TCN2: variants seen among roughly 807,000 people sequenced by gnomAD.
TCN2 encodes the protein transcobalamin-2.
In TCN2, 34 loss-of-function variants were observed where a neutral mutation model predicts 48.6. The observed-to-expected ratio is 0.70, with a 90% CI of 0.53 to 0.93. The LOEUF (loss-of-function observed/expected upper bound fraction) is 0.93. Among genes scored for constraint, TCN2 ranks in the 40% least tolerant of loss-of-function variants. The pLI, the probability that TCN2 is intolerant of heterozygous loss-of-function variation, is 0.00. For missense variants in TCN2, 652 were observed against 526.1 expected, an observed-to-expected ratio of 1.24 and a Z score of -2.34; for synonymous variants, 283 against 212.5, an observed-to-expected ratio of 1.33 and a Z score of -2.89.
At chr22:30,618,179 G>T (rs2087642389) in intron 7 of TCN2, among the ~76,000 whole-genome samples, 1 of 149,054 alleles carries the variant, frequency 6.7e-6, no homozygotes, top group South Asian at 2.1e-4. Context: ...CAAATTCCTG[G>T]CCTCAAACCA....
At chr22:30,621,770 C>T (rs1179192505) in intron 7 of TCN2, among the ~76,000 whole-genome samples, 1 of 152,212 alleles carries the variant, frequency 6.6e-6, no homozygotes, top group African/African-American at 2.4e-5. Flanking sequence ...AAGCATGAGC[C>T]ACAGTGCCTG....
intron 6 of TCN2, among the ~76,000 whole-genome samples, chr22:30,616,021 ATGTT>A (rs1361726561): frequency 7.7e-5 from 10 of 129,636 alleles, no homozygotes; most frequent in Admixed American, 2.5e-4. Flanking sequence ...CAGTACAGAA[ATGTT>A]TGGATGGATG....
rs959764375 is a variant in TCN2 at position 30,627,146 on chromosome 22, G to C, written c.*625G>C. ...GTAACCCCATCAGGGAGGAGTGGAG[G>C]GTGCCTGAGCCGCCATGTGGGCATT... On this transcript the variant is annotated 3_prime_UTR_variant, in exon 9 of 9. Coordinates refer to ENST00000215838, the MANE Select transcript of TCN2 (RefSeq NM_000355.4). The C allele has an allele frequency of 6.0e-6, 1 of 167,826 alleles. No individual in the cohort carries two copies. The highest frequency in any genetic ancestry group is 3.1e-3 in the Middle Eastern group (1 of 318). 10.4% of individuals were successfully genotyped at this position (167,826 alleles called of 1,614,324 possible).
intron 6 of TCN2, 61 bp downstream of exon 6, chr22:30,615,848 C>T: frequency 1.9e-6 from 3 of 1,599,940 alleles, no homozygotes; most frequent in Non-Finnish European, 1.7e-6. Context: ...CATTGACGTC[C>T]CAGTGAGGGG....
At chr22:30,610,576 TCTCA>T (rs1468747273) in intron 1 of TCN2, among the ~76,000 whole-genome samples, 2 of 152,178 alleles carry the variant, frequency 1.3e-5, no homozygotes, top group African/African-American at 4.8e-5. Flanking sequence ...GGCACACCAG[TCTCA>T]CTGTCACTGC....
At chr22:30,617,533 C>G (rs1469377619) in intron 7 of TCN2, 38 bp downstream of exon 7, 1 of 1,613,530 alleles carries the variant, frequency 6.2e-7, no homozygotes, top group East Asian at 2.2e-5. Flanking sequence ...CCCACCCAAC[C>G]TCACATGCCT....
At chr22:30,610,381 A>G (rs963150532) in intron 1 of TCN2, 6 of 446,354 alleles carry the variant, frequency 1.3e-5, no homozygotes, top group South Asian at 3.3e-5. Flanking sequence ...AACGGGTAGC[A>G]CACACATTCA....
chr22:30,611,957 C>G (rs967558822), intron 2 of TCN2, among the ~76,000 whole-genome samples: 5 of 151,256 alleles, frequency 3.3e-5, no homozygotes, highest in Admixed American at 6.6e-5. Flanking sequence ...GAAAAGAAGA[C>G]TAGGCATAGT....
chr22:30,621,723 A>G (rs1358520359), intron 7 of TCN2, among the ~76,000 whole-genome samples: 1 of 152,136 alleles, frequency 6.6e-6, no homozygotes, highest in Admixed American at 6.5e-5. Context: ...ACCTCAAGTG[A>G]TCCACCCGCT....
intron 6 of TCN2, among the ~76,000 whole-genome samples, chr22:30,616,366 C>G (rs771299846): frequency 1.3e-5 from 2 of 151,696 alleles, no homozygotes; most frequent in African/African-American, 2.4e-5. Context: ...GCCTGTAACC[C>G]CAGCTAAGCT....
intron 7 of TCN2, among the ~76,000 whole-genome samples, chr22:30,621,724 TC>T (rs1270694538): frequency 6.6e-6 from 1 of 152,186 alleles, no homozygotes; most frequent in Non-Finnish European, 1.5e-5. Context: ...CCTCAAGTGA[TC>T]CACCCGCTTT....
chr22:30,614,341 CCT>C lies in TCN2; in HGVS notation c.428-4_428-3del, dbSNP rs1892706504. ...GAGAGGCAACCCCTCTGTTTTTTTC[CCT>C]CTCAGGGCATGATCACAAGGGCCAC... On this transcript the variant is annotated splice_polypyrimidine_tract_variant and splice_region_variant and intron_variant, in intron 3 of 8. Transcript: ENST00000215838. 4 of 1,613,796 alleles carry C rather than the reference CCT, an allele frequency of 2.5e-6. No homozygotes were observed. Among genetic ancestry groups the C allele is most frequent in the Non-Finnish European group, 3.4e-6 (4 of 1,179,936 alleles).
At chr22:30,617,270 A>G (rs952865123) in intron 6 of TCN2, 60 bp from the exon 7 acceptor site, 1 of 1,611,238 alleles carries the variant, frequency 6.2e-7, no homozygotes, top group Admixed American at 1.7e-5. Context: ...AGACAAGAAG[A>G]CAAATAATCC....
At chr22:30,608,964 C>T (rs1252284950) in intron 1 of TCN2, among the ~76,000 whole-genome samples, 1 of 152,130 alleles carries the variant, frequency 6.6e-6, no homozygotes. Context: ...TAATTGCACC[C>T]AGCCTCATTC....
intron 7 of TCN2, 50 bp from the exon 8 acceptor site, chr22:30,622,918 T>C (rs748597421): frequency 1.3e-5 from 21 of 1,591,860 alleles, no homozygotes; most frequent in Non-Finnish European, 1.7e-5. Flanking sequence ...CCTCTCCCCT[T>C]AGGGACAACA....
At position 30,613,062 on chromosome 22, in the gene TCN2, T is replaced by C. The variant is rs1404428548; in HGVS notation, c.427+20T>C. On this transcript the variant is annotated intron_variant, in intron 3 of 8. Transcript: ENST00000215838. Reference sequence around the variant, plus strand: ...CCATTGGTGAGCAGACACCATCCGCTGGGGGTGGGGAGCAGCTGGGAGGGC... The same window carrying C: ...CCATTGGTGAGCAGACACCATCCGCCGGGGGTGGGGAGCAGCTGGGAGGGC... The C allele has an allele frequency of 6.2e-7, 1 of 1,613,048 alleles. No individual in the cohort carries two copies. Among genetic ancestry groups the C allele is most frequent in the Non-Finnish European group, 8.5e-7 (1 of 1,179,588 alleles).
chr22:30,625,485 T>C (rs1468339668), intron 8 of TCN2, among the ~76,000 whole-genome samples: 1 of 151,920 alleles, frequency 6.6e-6, no homozygotes, highest in Non-Finnish European at 1.5e-5. Context: ...TTTTTTGAGA[T>C]GGGGGTCTCA....
At chr22:30,613,793 C>A (rs915332507) in intron 3 of TCN2, among the ~76,000 whole-genome samples, 2 of 152,156 alleles carry the variant, frequency 1.3e-5, no homozygotes, top group Non-Finnish European at 2.9e-5. Flanking sequence ...TCGCACTGCT[C>A]CATGGCCCAG....
At position 30,612,863 on chromosome 22, in the gene TCN2, CT is replaced by C; in HGVS notation, c.258-8del. On this transcript the variant is annotated splice_polypyrimidine_tract_variant and intron_variant, in intron 2 of 8. Coordinates refer to ENST00000215838, the MANE Select transcript of TCN2 (RefSeq NM_000355.4). ...GTTTCTCACAAAGGCATTAACTGGC[CT>C]TGTCCTAGGTCTGCCTTCAGCGAGG... 1 of 1,613,078 alleles carries C rather than the reference CT, an allele frequency of 6.2e-7. No individual in the cohort carries two copies. Among genetic ancestry groups the C allele is most frequent in the Non-Finnish European group, 8.5e-7 (1 of 1,179,988 alleles).
Sources: allele counts gnomAD v4.1 joint callset (sites outside exome capture counted in the v4.1 genomes callset), GRCh38; gene constraint gnomAD v4.1.1; transcripts MANE v1.5; gene names NCBI Gene and HGNC (gene_info 2026-07-23, HGNC 2026-07-21).